SLC25A17: variants seen among roughly 807,000 people sequenced by gnomAD.
The protein encoded by SLC25A17 is solute carrier family 25 member 17, also known as peroxisomal membrane protein PMP34.
SLC25A17 carries 26 observed loss-of-function variants against 38.5 expected under a neutral mutation model. The ratio of observed to expected loss-of-function variants is 0.68; its 90% CI spans 0.50 to 0.94. SLC25A17 has a LOEUF of 0.94. Ranked by LOEUF, SLC25A17 falls within the 40% of genes least tolerant of loss-of-function variation. The pLI is 0.00. For synonymous variants in SLC25A17, 139 were observed against 136.2 expected (o/e 1.02, Z -0.14); for missense variants, 333 against 372.7 (o/e 0.89, Z 0.88).
In SLC25A17 at chr22:40,796,715, T is replaced by C. The variant is rs950546203; in HGVS notation, c.116-2135A>G. On this transcript the variant is annotated intron_variant, in intron 2 of 8. Coordinates refer to ENST00000435456, the MANE Select transcript of SLC25A17 (RefSeq NM_006358.4). ...ATCCTATATCTGGGAATTTATCCCA[T>C]AGAATTCACAGAAACAACATGGCAT... Among the ~76,000 whole-genome samples, 11 of 151,946 alleles carry C rather than the reference T, an allele frequency of 7.2e-5. 1 individual carries two copies. Among genetic ancestry groups the C allele is most frequent in the African/African-American group, 4.8e-5 (2 of 41,364 alleles).
rs2057673621 is a variant in SLC25A17 at position 40,819,326 on chromosome 22, A to C, written c.-78T>G. The C allele has an allele frequency of 5.6e-6, 8 of 1,431,036 alleles. No individual in the cohort carries two copies. Among genetic ancestry groups the C allele is most frequent in the East Asian group, 6.3e-5 (2 of 31,594 alleles). 88.6% of individuals were successfully genotyped at this position (1,431,036 alleles called of 1,614,324 possible). On this transcript the variant is annotated 5_prime_UTR_variant, in exon 1 of 9. Transcript: ENST00000435456. ...AGTGGAGTTAGGAAAGGAGCACCGG[A>C]GCTCAGGGTGTGAGAGTCGCAATCC...
chr22:40,773,825 T>G, intron 8 of SLC25A17, 112 bp downstream of exon 8: 1 of 773,960 alleles, frequency 1.3e-6, no homozygotes, highest in Non-Finnish European at 2.3e-6. Context: ...GGGAAAGGTT[T>G]TGGAGGTTGC....
intron 1 of SLC25A17, among the ~76,000 whole-genome samples, chr22:40,803,970 G>A (rs974479606): frequency 2.6e-5 from 4 of 151,968 alleles, no homozygotes; most frequent in African/African-American, 9.7e-5. Flanking sequence ...TCCCATAAAC[G>A]AGAAAATAGG....
Position 40,799,027 on chromosome 22 carries a change from A to G in SLC25A17, c.111T>C (p.Leu37=). The part of the protein sequence containing the change: ...FFPLDTARLR[L]QVDEKRKSKT... ...AGGAGTATGATTTCTACTTACCCTG[A>G]AGTCGAAGTCTAGCTGTATCCAGGG... Residue 37 remains leucine, a synonymous_variant, in exon 2 of 9, where the codon CTT becomes CTC. Transcript: ENST00000435456. 1 of 1,608,964 alleles carries G rather than the reference A, an allele frequency of 6.2e-7. No individual in the cohort carries two copies. Among genetic ancestry groups the G allele is most frequent in the Non-Finnish European group, 8.5e-7 (1 of 1,175,422 alleles).
chr22:40,782,778 T>A (rs917463658), intron 4 of SLC25A17, among the ~76,000 whole-genome samples: 1 of 152,232 alleles, frequency 6.6e-6, no homozygotes, highest in African/African-American at 2.4e-5. Flanking sequence ...ATCACAACAA[T>A]GATAATACCT....
intron 1 of SLC25A17, among the ~76,000 whole-genome samples, chr22:40,809,790 G>A (rs958859232): frequency 3.9e-5 from 6 of 152,020 alleles, no homozygotes; most frequent in African/African-American, 1.4e-4. Flanking sequence ...TTTGAACAGA[G>A]GCCATTAACT....
intron 7 of SLC25A17, among the ~76,000 whole-genome samples, chr22:40,774,305 C>T (rs923524968): frequency 2.0e-5 from 3 of 151,308 alleles, no homozygotes; most frequent in Non-Finnish European, 4.4e-5. Flanking sequence ...CTCACTGCAA[C>T]CTCCACCTCC....
intron 1 of SLC25A17, among the ~76,000 whole-genome samples, chr22:40,816,831 G>A (rs1257296645): frequency 6.6e-6 from 1 of 151,846 alleles, no homozygotes; most frequent in Non-Finnish European, 1.5e-5. Flanking sequence ...GGCTGGCCTC[G>A]AACTCCTGAC....
At chr22:40,782,682 T>G (rs1041347615) in intron 4 of SLC25A17, among the ~76,000 whole-genome samples, 1 of 152,140 alleles carries the variant, frequency 6.6e-6, no homozygotes, top group African/African-American at 2.4e-5. Context: ...CTTGACTCCG[T>G]AGGAAGGAAT....
chr22:40,792,718 A>C, intron 3 of SLC25A17, 42 bp from the exon 4 acceptor site: 7 of 1,601,748 alleles, frequency 4.4e-6, no homozygotes, highest in Non-Finnish European at 6.0e-6. Context: ...GTCATGGACA[A>C]ATTAGAAATT....
chr22:40,788,568 G>A (rs971864834), intron 4 of SLC25A17, among the ~76,000 whole-genome samples: 49 of 152,280 alleles, frequency 3.2e-4, no homozygotes, highest in African/African-American at 1.2e-3. Context: ...GTGTGCGCCT[G>A]TAATTCCAGC....
intron 7 of SLC25A17, among the ~76,000 whole-genome samples, chr22:40,776,509 T>C (rs534480128): frequency 1.3e-5 from 2 of 152,346 alleles, no homozygotes; most frequent in South Asian, 4.1e-4. Flanking sequence ...CACATCTGTG[T>C]TTTCTGAGAC....
At chr22:40,775,620 C>T (rs960340346) in intron 7 of SLC25A17, among the ~76,000 whole-genome samples, 2 of 150,776 alleles carry the variant, frequency 1.3e-5, no homozygotes, top group Non-Finnish European at 3.0e-5. Flanking sequence ...CCCGCCACCG[C>T]GCCCGGCTAA....
At chr22:40,814,644 T>G (rs1398419529) in intron 1 of SLC25A17, among the ~76,000 whole-genome samples, 1 of 151,980 alleles carries the variant, frequency 6.6e-6, no homozygotes, top group African/African-American at 2.4e-5. Flanking sequence ...TGGTTATCCA[T>G]GACCTTAAAC....
chr22:40,784,297 G>A (rs902111959), intron 4 of SLC25A17, among the ~76,000 whole-genome samples: 6 of 151,954 alleles, frequency 3.9e-5, no homozygotes, highest in African/African-American at 1.5e-4. Context: ...TTGTCCAAGC[G>A]AACTAGGCCA....
chr22:40,801,180 A>G (rs2057480952), intron 1 of SLC25A17, among the ~76,000 whole-genome samples: 1 of 142,772 alleles, frequency 7.0e-6, no homozygotes, highest in Non-Finnish European at 1.5e-5. Context: ...TAAATGATAA[A>G]TAACTAGGAG....
intron 1 of SLC25A17, among the ~76,000 whole-genome samples, chr22:40,814,754 A>AATATATATATATATATATATAT (rs10527651): frequency 1.1e-4 from 15 of 135,190 alleles, no homozygotes; most frequent in African/African-American, 3.5e-4. Context: ...GTACGTGCAG[A>AATATATATATATATATATATAT]ATATATATAT....
At position 40,770,663 on chromosome 22, in the gene SLC25A17, G is replaced by C; in HGVS notation, c.*171C>G. On this transcript the variant is annotated 3_prime_UTR_variant, in exon 9 of 9. Coordinates refer to ENST00000435456, the MANE Select transcript of SLC25A17 (RefSeq NM_006358.4). ...CCAACCAGCCAGCATGACAATTAAGGTGACAACAGGTCCAGTTGGCCATAC... is the reference window on the plus strand; with the variant it reads ...CCAACCAGCCAGCATGACAATTAAGCTGACAACAGGTCCAGTTGGCCATAC... The C allele has an allele frequency of 2.0e-6, 1 of 498,298 alleles. No homozygotes were observed. The highest frequency in any genetic ancestry group is 3.3e-6 in the Non-Finnish European group (1 of 307,652). The allele number at this position is 498,298 out of a possible 1,614,324, so 30.9% of individuals were successfully genotyped here.
chr22:40,773,357 C>T (rs562189851), intron 8 of SLC25A17, among the ~76,000 whole-genome samples: 5 of 134,114 alleles, frequency 3.7e-5, no homozygotes, highest in Admixed American at 1.7e-4. Context: ...TTGCCGTGAG[C>T]GGAGATAGCG....
Sources: allele counts gnomAD v4.1 joint callset (sites outside exome capture counted in the v4.1 genomes callset), GRCh38; gene constraint gnomAD v4.1.1; transcripts MANE v1.5; gene names NCBI Gene and HGNC (gene_info 2026-07-23, HGNC 2026-07-21).